Variants in USP37 observed in about 807,000 individuals in gnomAD.
USP37 encodes ubiquitin specific peptidase 37.
USP37 carries 27 observed loss-of-function variants against 124.0 expected under a neutral mutation model. The ratio of observed to expected loss-of-function variants is 0.22; its 90% CI spans 0.16 to 0.30. USP37 has a LOEUF of 0.30. Among genes scored for constraint, USP37 ranks in the 10% least tolerant of loss-of-function variants. The pLI, the probability that USP37 is intolerant of heterozygous loss-of-function variation, is 1.00. For missense variants in USP37, 889 were observed against 1,140.4 expected (o/e 0.78, Z 3.17); for synonymous variants, 365 against 388.0 (o/e 0.94, Z 0.70).
intron 15 of USP37, chr2:218,486,018 T>C: frequency 3.0e-6 from 1 of 338,028 alleles, no homozygotes; most frequent in South Asian, 8.8e-5. Context: ...AAATAGAAGA[T>C]TCTTAGCCTT....
At chr2:218,567,605 A>G (rs962030118) in intron 1 of USP37, among the ~76,000 whole-genome samples, 1 of 152,192 alleles carries the variant, frequency 6.6e-6, no homozygotes, top group Non-Finnish European at 1.5e-5. Context: ...TGAAATTTTG[A>G]GAGGAATACC....
chr2:218,549,936 T>A lies in USP37; in HGVS notation c.329-27A>T, dbSNP rs185359122. 1.3e-3 allele frequency: 2,064 copies of A among 1,540,840 alleles called. 35 individuals are homozygous for A. The African/African-American group carries it at 0.025, about 19-fold the overall frequency. ...TGGTGACCAAAAATATAATTTTTTT[T>A]AAAATCCCCAAATCACTCACTTTAA... On this transcript the variant is annotated intron_variant, in intron 5 of 25. Coordinates refer to ENST00000258399, the MANE Select transcript of USP37 (RefSeq NM_020935.3).
chr2:218,550,189 G>C (rs1692587427), intron 5 of USP37, among the ~76,000 whole-genome samples: 1 of 151,856 alleles, frequency 6.6e-6, no homozygotes, highest in African/African-American at 2.4e-5. Flanking sequence ...AAAAAAGCTA[G>C]AATAAACATT....
chr2:218,516,615 G>A (rs1021258148), intron 10 of USP37, among the ~76,000 whole-genome samples: 1 of 152,024 alleles, frequency 6.6e-6, no homozygotes, highest in African/African-American at 2.4e-5. Flanking sequence ...CTAGATGACA[G>A]GTTGATAGGT....
At chr2:218,504,062 G>A (rs1689540218) in intron 11 of USP37, among the ~76,000 whole-genome samples, 1 of 152,140 alleles carries the variant, frequency 6.6e-6, no homozygotes, top group African/African-American at 2.4e-5. Context: ...CAATAGGGAG[G>A]TCGATTCATT....
At chr2:218,563,276 C>T (rs918208348) in intron 1 of USP37, among the ~76,000 whole-genome samples, 2 of 151,930 alleles carry the variant, frequency 1.3e-5, no homozygotes, top group Non-Finnish European at 2.9e-5. Flanking sequence ...GCACAACACA[C>T]AGAGACACAC....
intron 9 of USP37, among the ~76,000 whole-genome samples, chr2:218,531,745 T>C (rs1430185119): frequency 6.6e-6 from 1 of 152,208 alleles, no homozygotes; most frequent in Non-Finnish European, 1.5e-5. Context: ...TAACAGGAGT[T>C]TGGAAGTTGA....
chr2:218,455,484 C>A (rs3932856), intron 25 of USP37, 96 bp downstream of exon 25: 882,765 of 1,487,746 alleles, frequency 0.59, 263,399 homozygotes, highest in East Asian at 0.79. Flanking sequence ...AACCAATCAA[C>A]TGATGGAAAC....
At chr2:218,553,750 C>T (rs772867951) in intron 4 of USP37, 26 bp from the exon 5 acceptor site, 87 of 1,582,134 alleles carry the variant, frequency 5.5e-5, no homozygotes, top group Non-Finnish European at 7.5e-5. Context: ...GGAAAATTAT[C>T]ATCAAAAATG....
At chr2:218,483,954 T>C (rs1691398931) in intron 16 of USP37, among the ~76,000 whole-genome samples, 1 of 151,778 alleles carries the variant, frequency 6.6e-6, no homozygotes, top group Non-Finnish European at 1.5e-5. Context: ...AGGTCAGGAG[T>C]TTGAGACCAG....
chr2:218,500,828 G>T (rs561536928), intron 11 of USP37: 17 of 153,624 alleles, frequency 1.1e-4, no homozygotes, highest in Admixed American at 9.9e-4. Flanking sequence ...TTCTAGCAGG[G>T]GAGTGCAGCT....
chr2:218,490,464 A>G (rs780715053), intron 14 of USP37, among the ~76,000 whole-genome samples: 1 of 152,236 alleles, frequency 6.6e-6, no homozygotes, highest in Non-Finnish European at 1.5e-5. Flanking sequence ...CAGAGATTAA[A>G]ACACCATATT....
intron 15 of USP37, among the ~76,000 whole-genome samples, chr2:218,487,154 T>A (rs991851390): frequency 6.6e-6 from 1 of 152,226 alleles, no homozygotes; most frequent in African/African-American, 2.4e-5. Flanking sequence ...AGGACTGCTA[T>A]AACAACAGTC....
rs1471496592 is a variant in USP37 at position 218,553,618 on chromosome 2, G to A, written c.263C>T (p.Pro88Leu). The change falls in exon 5 of 26, where the codon CCA becomes CTA. Residue 88 changes from proline (P) to leucine (L), a missense_variant. Transcript: ENST00000258399. Reference sequence around the variant, plus strand: ...CCTCATTTCCTCTGCATCCTTACTTGGTACTTTGTCAATAGACAAGAAGCT... The same window carrying A: ...CCTCATTTCCTCTGCATCCTTACTTAGTACTTTGTCAATAGACAAGAAGCT... ...DNSFLSIDKV[P>L]SKDAEEMRLF... is the part of the protein sequence containing the mutation. 2 of 1,613,670 alleles carry A rather than the reference G, an allele frequency of 1.2e-6. No homozygotes were observed. Among genetic ancestry groups the A allele is most frequent in the Non-Finnish European group, 1.7e-6 (2 of 1,179,894 alleles).
At chr2:218,509,066 A>AACATACATAT (rs1260706980) in intron 11 of USP37, among the ~76,000 whole-genome samples, 1 of 152,224 alleles carries the variant, frequency 6.6e-6, no homozygotes, top group Non-Finnish European at 1.5e-5. Context: ...ACAAGCATTA[A>AACATACATAT]AAACATACAT....
chr2:218,479,061 T>A lies in USP37; in HGVS notation c.1901+589A>T, dbSNP rs116493157. ...CAATTGAAATGATCTAATCAGGAAC[T>A]CCTCTAGTAAAATCTTAGAGGAAAT... is the stretch of plus-strand genomic sequence containing the variant. On this transcript the variant is annotated intron_variant, in intron 18 of 25. Transcript: ENST00000258399. 7.2e-3 allele frequency among the ~76,000 whole-genome samples: 1,093 copies of A among 152,244 alleles called. 12 individuals carry two copies. Among genetic ancestry groups the A allele is most frequent in the African/African-American group, 0.025 (1,044 of 41,532 alleles).
intron 5 of USP37, 87 bp from the exon 6 acceptor site, chr2:218,549,996 T>A (rs1692576096): frequency 2.0e-6 from 2 of 1,010,396 alleles, no homozygotes; most frequent in South Asian, 2.1e-5. Flanking sequence ...TTATATAATA[T>A]TGAAGAAATG....
chr2:218,539,612 G>A (rs777086011), intron 8 of USP37, among the ~76,000 whole-genome samples: 1 of 152,074 alleles, frequency 6.6e-6, no homozygotes, highest in Non-Finnish European at 1.5e-5. Context: ...CTGCCTGGGA[G>A]GCTGAGGTGG....
Position 218,452,730 on chromosome 2 carries a change from T to A in USP37, c.*2200A>T, listed in dbSNP as rs924601521. 5 of 152,246 alleles carry A rather than the reference T, an allele frequency of 3.3e-5. No homozygotes were observed. The highest frequency in any genetic ancestry group is 5.9e-5 in the Non-Finnish European group (4 of 68,046). The allele number at this position is 152,246 out of a possible 1,614,324, so 9.4% of individuals were successfully genotyped here. The stretch of plus-strand genomic sequence containing the variant: ...AATGAGGCTGCTTCATGAGGCAATC[T>A]AGACTTATGGCATTATTTCTACTTT... On this transcript the variant is annotated 3_prime_UTR_variant, in exon 26 of 26. Coordinates refer to ENST00000258399, the MANE Select transcript of USP37 (RefSeq NM_020935.3).
Sources: gnomAD v4.1 joint callset for allele counts (sites outside exome capture counted in the v4.1 genomes callset) on GRCh38, gnomAD v4.1.1 for gene constraint, MANE v1.5 for transcripts, NCBI Gene and HGNC (gene_info 2026-07-23, HGNC 2026-07-21) for gene names.